Variants in EFL1 observed in about 807,000 individuals in gnomAD.
The protein encoded by EFL1 is elongation factor-like GTPase 1.
In EFL1, 76 loss-of-function variants were observed where a neutral mutation model predicts 126.7. The ratio of observed to expected loss-of-function variants is 0.60; its 90% CI spans 0.50 to 0.73. EFL1 has a LOEUF of 0.73. Ranked by LOEUF, EFL1 falls within the 30% of genes least tolerant of loss-of-function variation. The probability of loss-of-function intolerance (pLI) is 0.00; values close to 1 mark genes in which losing one functional copy is unlikely to be tolerated. For missense variants in EFL1, 1,128 were observed against 1,343.2 expected, an observed-to-expected ratio of 0.84 and a Z score of 2.50; for synonymous variants, 410 against 448.4, an observed-to-expected ratio of 0.91 and a Z score of 1.08.
chr15:82,161,073 C>T (rs911669629), intron 16 of EFL1, among the ~76,000 whole-genome samples: 1 of 152,050 alleles, frequency 6.6e-6, no homozygotes, highest in African/African-American at 2.4e-5. Flanking sequence ...ATTTTGACCC[C>T]CACTTGGGAA....
At chr15:82,240,924 C>A (rs1457583515) in intron 5 of EFL1, among the ~76,000 whole-genome samples, 1 of 152,148 alleles carries the variant, frequency 6.6e-6, no homozygotes, top group African/African-American at 2.4e-5. Flanking sequence ...GTGGCACATG[C>A]CTGTAATCCC....
intron 7 of EFL1, among the ~76,000 whole-genome samples, chr15:82,237,152 A>C (rs1319300116): frequency 6.6e-6 from 1 of 152,200 alleles, no homozygotes; most frequent in Non-Finnish European, 1.5e-5. Flanking sequence ...CAAAAAACAA[A>C]ACAAAACAAA....
chr15:82,136,998 C>A (rs1325385759), intron 19 of EFL1, among the ~76,000 whole-genome samples: 2 of 151,104 alleles, frequency 1.3e-5, no homozygotes, highest in East Asian at 1.9e-4. Flanking sequence ...AACCTTGGTT[C>A]TGTCAAGCAT....
At chr15:82,212,081 C>T (rs964335788) in intron 15 of EFL1, among the ~76,000 whole-genome samples, 2 of 152,114 alleles carry the variant, frequency 1.3e-5, no homozygotes, top group African/African-American at 2.4e-5. Flanking sequence ...TCCATCTCCA[C>T]CTAGGATGTC....
intron 3 of EFL1, among the ~76,000 whole-genome samples, chr15:82,255,298 T>A (rs12913622): frequency 0.039 from 5,922 of 152,310 alleles, 168 homozygotes; most frequent in Middle Eastern, 0.095. Context: ...CATTTAACAT[T>A]CCTTTTCTGT....
intron 17 of EFL1, among the ~76,000 whole-genome samples, chr15:82,153,211 G>A (rs2141230219): frequency 6.6e-6 from 1 of 152,180 alleles, no homozygotes. Flanking sequence ...ACCAAGTTCA[G>A]AAAGCCCCTT....
At chr15:82,239,302 A>G (rs2074906959) in intron 6 of EFL1, among the ~76,000 whole-genome samples, 3 of 151,894 alleles carry the variant, frequency 2.0e-5, no homozygotes, top group Admixed American at 2.0e-4. Context: ...ACGCCCGGCT[A>G]ATTTTTTGTA....
chr15:82,134,806 G>A (rs150174958), intron 19 of EFL1, among the ~76,000 whole-genome samples: 6 of 152,128 alleles, frequency 3.9e-5, no homozygotes, highest in Non-Finnish European at 8.8e-5. Flanking sequence ...TTCATAGAAG[G>A]GTAAAACATA....
chr15:82,251,659 G>A (rs977787787), intron 4 of EFL1, among the ~76,000 whole-genome samples: 20 of 151,908 alleles, frequency 1.3e-4, no homozygotes, highest in South Asian at 4.2e-4. Context: ...AAAATGAAGC[G>A]TTAAACATTA....
intron 17 of EFL1, among the ~76,000 whole-genome samples, chr15:82,155,280 T>A (rs2073955815): frequency 6.6e-6 from 1 of 152,110 alleles, no homozygotes; most frequent in Non-Finnish European, 1.5e-5. Context: ...GGAGGTTGGA[T>A]CACTTGAGGT....
Position 82,151,942 on chromosome 15 carries a change from T to C in EFL1, c.2512A>G (p.Asn838Asp). Residue 838 changes from asparagine (N) to aspartate (D), a missense_variant, in exon 18 of 20, where the codon AAT (asparagine) becomes GAT (aspartate). Asn to Asp is a conservative substitution (Grantham distance 23). This residue lies in a region of EFL1 where 561 missense variants were observed against 641.7 expected (regional missense o/e 0.87). Transcript: ENST00000268206. Reference sequence around the variant, plus strand: ...GAGTTCTGAAAATCTTCACTTTTATTGACTAGTATGTTGGGCCCACATTTT... The same window carrying C: ...GAGTTCTGAAAATCTTCACTTTTATCGACTAGTATGTTGGGCCCACATTTT... Reference protein sequence around the residue: ...PRKCGPNILVNKSEDFQNSVW... With the variant: ...PRKCGPNILVDKSEDFQNSVW... 1.9e-6 allele frequency: 3 copies of C among 1,614,122 alleles called. No individual in the cohort carries two copies. Among genetic ancestry groups the C allele is most frequent in the Non-Finnish European group, 8.5e-7 (1 of 1,180,010 alleles).
intron 16 of EFL1, among the ~76,000 whole-genome samples, chr15:82,158,984 C>T (rs1373556941): frequency 1.3e-5 from 2 of 152,228 alleles, no homozygotes; most frequent in South Asian, 4.1e-4. Context: ...GCTGGGCAGC[C>T]AGCCAGAGAG....
intron 4 of EFL1, among the ~76,000 whole-genome samples, chr15:82,244,882 G>C (rs762972765): frequency 1.3e-5 from 2 of 152,132 alleles, no homozygotes; most frequent in Non-Finnish European, 2.9e-5. Context: ...GAAAGCTGAT[G>C]AGAGAAAACT....
At chr15:82,260,028 T>C (rs2075099660) in intron 2 of EFL1, among the ~76,000 whole-genome samples, 1 of 152,152 alleles carries the variant, frequency 6.6e-6, no homozygotes, top group Admixed American at 6.5e-5. Context: ...AGAAAATAAT[T>C]ATCAAGCAAG....
At chr15:82,133,469 T>C (rs1331183940) in intron 19 of EFL1, among the ~76,000 whole-genome samples, 2 of 152,192 alleles carry the variant, frequency 1.3e-5, no homozygotes, top group African/African-American at 2.4e-5. Context: ...CAAACATAAA[T>C]TGCACAATGG....
At chr15:82,143,640 G>A (rs1338503873) in intron 18 of EFL1, among the ~76,000 whole-genome samples, 4 of 152,178 alleles carry the variant, frequency 2.6e-5, no homozygotes, top group South Asian at 2.1e-4. Flanking sequence ...AGTGGGGAAC[G>A]TAGGCTGGTT....
chr15:82,191,802 C>T (rs2074362852), intron 15 of EFL1, among the ~76,000 whole-genome samples: 2 of 152,116 alleles, frequency 1.3e-5, no homozygotes, highest in South Asian at 4.1e-4. Flanking sequence ...CTGAAAGTAA[C>T]TTTTCAAGAG....
At position 82,229,104 on chromosome 15, in the gene EFL1, C is replaced by A; in HGVS notation, c.862G>T (p.Gly288Ter). ...AACTGTACAAATAAAGGTTTCTTTC[C>A]TTTGGCCTGTACAAAAGAACATACG... ...KKIMKGDQAK[G>*]KKPLFVQLIL... The change falls in exon 9 of 20, where the codon GGA (glycine) becomes TGA (stop). Residue 288 changes from glycine to a stop codon, truncating the protein, a stop_gained. Coordinates refer to ENST00000268206, the MANE Select transcript of EFL1 (RefSeq NM_024580.6). LOFTEE classifies it high-confidence loss of function. 3 of 1,609,870 alleles carry A rather than the reference C, an allele frequency of 1.9e-6. No individual in the cohort carries two copies. The highest frequency in any genetic ancestry group is 2.5e-6 in the Non-Finnish European group (3 of 1,179,042).
intron 15 of EFL1, among the ~76,000 whole-genome samples, chr15:82,169,877 G>C: frequency 6.6e-6 from 1 of 152,034 alleles, no homozygotes; most frequent in East Asian, 1.9e-4. Context: ...GCACAGTTGC[G>C]GTCTTCACAG....
Sources: allele counts gnomAD v4.1 joint callset (sites outside exome capture counted in the v4.1 genomes callset), GRCh38; gene constraint gnomAD v4.1.1; regional missense constraint gnomAD v4.1.1; transcripts MANE v1.5; gene names NCBI Gene and HGNC (gene_info 2026-07-23, HGNC 2026-07-21).